The following MCPH1 variants were observed in gnomAD, a reference collection of about 807,000 sequenced individuals.
The protein encoded by MCPH1 is microcephalin.
A neutral mutation model predicts 84.5 loss-of-function variants in MCPH1; 104 were observed. The observed-to-expected ratio is 1.23, with a 90% CI of 1.05 to 1.45. The LOEUF (loss-of-function observed/expected upper bound fraction) is 1.45. Ranked by LOEUF, MCPH1 falls within the 40% of genes most tolerant of loss-of-function variation. MCPH1 has a pLI of 0.00. For synonymous variants in MCPH1, 514 were observed against 366.8 expected (o/e 1.40, Z -4.58); for missense variants, 1,498 against 1,005.7 (o/e 1.49, Z -6.62).
intron 12 of MCPH1, among the ~76,000 whole-genome samples, chr8:6,564,956 C>T (rs1025259065): frequency 6.6e-6 from 1 of 152,210 alleles, no homozygotes; most frequent in South Asian, 2.1e-4. Context: ...AAGACATGCT[C>T]TGGAAGGATC....
intron 12 of MCPH1, among the ~76,000 whole-genome samples, chr8:6,599,317 C>T (rs73509298): frequency 0.018 from 2,789 of 152,262 alleles, 90 homozygotes; most frequent in African/African-American, 0.064. Flanking sequence ...CTCAGGCTTA[C>T]TTGAAGCCAT....
intron 9 of MCPH1, among the ~76,000 whole-genome samples, chr8:6,469,560 G>A (rs531486380): frequency 6.6e-6 from 1 of 152,144 alleles, no homozygotes; most frequent in African/African-American, 2.4e-5. Flanking sequence ...ATTTAGATGG[G>A]CTTATACTGG....
At chr8:6,614,577 C>CA (rs1241495526) in intron 12 of MCPH1, among the ~76,000 whole-genome samples, 1 of 152,234 alleles carries the variant, frequency 6.6e-6, no homozygotes, top group Non-Finnish European at 1.5e-5. Context: ...AGCAAACACA[C>CA]ACGTCCGTTG....
intron 12 of MCPH1, among the ~76,000 whole-genome samples, chr8:6,589,373 C>A (rs2129577566): frequency 6.6e-6 from 1 of 152,250 alleles, no homozygotes; most frequent in South Asian, 2.1e-4. Context: ...CTTCCTTCAT[C>A]TTTTATTACT....
intron 12 of MCPH1, among the ~76,000 whole-genome samples, chr8:6,506,992 G>A (rs557475020): frequency 5.3e-5 from 8 of 151,796 alleles, no homozygotes; most frequent in South Asian, 2.1e-4. Context: ...CTGTCTCCCC[G>A]GTTCAAGAGA....
chr8:6,583,341 C>T (rs550146054), intron 12 of MCPH1, among the ~76,000 whole-genome samples: 35 of 152,194 alleles, frequency 2.3e-4, no homozygotes, highest in African/African-American at 3.6e-4. Context: ...GGAAAGACTC[C>T]TCAGATGTTA....
intron 12 of MCPH1, among the ~76,000 whole-genome samples, chr8:6,601,764 C>T (rs540660582): frequency 6.6e-6 from 1 of 151,232 alleles, no homozygotes; most frequent in Non-Finnish European, 1.5e-5. Context: ...CACACACACA[C>T]ACACCCAATC....
intron 3 of MCPH1, among the ~76,000 whole-genome samples, chr8:6,429,778 T>G (rs1801574855): frequency 1.3e-5 from 2 of 152,064 alleles, no homozygotes; most frequent in Non-Finnish European, 2.9e-5. Context: ...TGCTGAATCT[T>G]TAGCGTCTCC....
At chr8:6,463,306 T>G (rs1434067025) in intron 9 of MCPH1, among the ~76,000 whole-genome samples, 1 of 152,194 alleles carries the variant, frequency 6.6e-6, no homozygotes, top group Non-Finnish European at 1.5e-5. Flanking sequence ...TTTCCTCATC[T>G]CCAGTATCAT....
intron 12 of MCPH1, among the ~76,000 whole-genome samples, chr8:6,552,233 T>C (rs1823769105): frequency 6.6e-6 from 1 of 152,234 alleles, no homozygotes; most frequent in Non-Finnish European, 1.5e-5. Context: ...AGAAACAACA[T>C]GCAGAAGCAG....
intron 13 of MCPH1, chr8:6,622,045 C>A (rs887842526): frequency 5.2e-6 from 2 of 384,234 alleles, no homozygotes; most frequent in Non-Finnish European, 1.0e-5. Flanking sequence ...GCCTCCTTGT[C>A]CTGCTTCAGG....
At chr8:6,506,778 CTT>C (rs552063597) in intron 12 of MCPH1, among the ~76,000 whole-genome samples, 58 of 127,900 alleles carry the variant, frequency 4.5e-4, no homozygotes, top group Admixed American at 4.8e-4. Flanking sequence ...CAGAGGATTG[CTT>C]TTTTTTTTTT....
chr8:6,486,262 ATCTCTC>A (rs56247663), intron 11 of MCPH1, among the ~76,000 whole-genome samples: 405 of 147,054 alleles, frequency 2.8e-3, no homozygotes, highest in East Asian at 8.2e-3. Flanking sequence ...TGTACAAGGA[ATCTCTC>A]TCTCTCTCTC....
At chr8:6,584,943 G>T (rs1827851454) in intron 12 of MCPH1, among the ~76,000 whole-genome samples, 1 of 152,154 alleles carries the variant, frequency 6.6e-6, no homozygotes, top group South Asian at 2.1e-4. Context: ...TAAAATATAG[G>T]CATCCTCCTG....
chr8:6,542,345 T>TG (rs1563096228), intron 12 of MCPH1, among the ~76,000 whole-genome samples: 3 of 151,756 alleles, frequency 2.0e-5, no homozygotes, highest in Non-Finnish European at 2.9e-5. Flanking sequence ...TGTGTGTGTT[T>TG]CAGTTCTCTA....
intron 12 of MCPH1, among the ~76,000 whole-genome samples, chr8:6,561,447 TGAG>T (rs1438987226): frequency 1.3e-5 from 2 of 152,204 alleles, no homozygotes; most frequent in African/African-American, 2.4e-5. Flanking sequence ...GGGGAGGTAA[TGAG>T]GAGCACCGAT....
intron 3 of MCPH1, among the ~76,000 whole-genome samples, chr8:6,428,009 C>G (rs546726572): frequency 6.6e-6 from 1 of 151,938 alleles, no homozygotes; most frequent in Non-Finnish European, 1.5e-5. Context: ...GCCTGGATGG[C>G]CTTGAACCAC....
At chr8:6,623,686 TCCAAAAAAAAAAA>T (rs1563206193) in intron 13 of MCPH1, among the ~76,000 whole-genome samples, 3 of 42,484 alleles carry the variant, frequency 7.1e-5, no homozygotes, top group South Asian at 8.5e-4. Context: ...GAAACCAACT[TCCAAAAAAAAAAA>T]AAAAAAAAAA....
intron 13 of MCPH1, chr8:6,627,281 G>A (rs1383007731): frequency 9.1e-6 from 9 of 985,380 alleles, no homozygotes; most frequent in Non-Finnish European, 1.1e-5. Flanking sequence ...TAAGGAACCA[G>A]TCGCAGAGAG....
Sources: allele counts gnomAD v4.1 joint callset (sites outside exome capture counted in the v4.1 genomes callset), GRCh38; gene constraint gnomAD v4.1.1; transcripts MANE v1.5; gene names NCBI Gene and HGNC (gene_info 2026-07-23, HGNC 2026-07-21).